The following GRIK3 variants were observed in gnomAD, a reference collection of about 807,000 sequenced individuals.
GRIK3 encodes the protein glutamate ionotropic receptor kainate type subunit 3.
A neutral mutation model predicts 102.5 loss-of-function variants in GRIK3; 29 were observed. That is an observed-to-expected ratio of 0.28 (90% CI 0.21 to 0.39). The LOEUF is 0.39. Ranked by LOEUF, GRIK3 falls within the 10% of genes least tolerant of loss-of-function variation. The probability of loss-of-function intolerance (pLI) is 1.00; values close to 1 mark genes in which losing one functional copy is unlikely to be tolerated. For missense variants in GRIK3, 908 were observed against 1,252.4 expected, an observed-to-expected ratio of 0.73 and a Z score of 4.15; for synonymous variants, 511 against 504.9, an observed-to-expected ratio of 1.01 and a Z score of -0.16.
At chr1:36,947,032 T>G (rs1378389881) in intron 1 of GRIK3, among the ~76,000 whole-genome samples, 1 of 151,998 alleles carries the variant, frequency 6.6e-6, no homozygotes, top group Non-Finnish European at 1.5e-5. Flanking sequence ...TTTCTAAGAT[T>G]GTAGCAGGAG....
intron 10 of GRIK3, 74 bp downstream of exon 10, chr1:36,841,662 C>T: frequency 7.7e-7 from 1 of 1,294,070 alleles, no homozygotes; most frequent in Non-Finnish European, 1.1e-6. Context: ...GGCTGCCCAG[C>T]CCTGTGGTGC....
At chr1:36,824,606 T>C (rs1642733609) in intron 11 of GRIK3, among the ~76,000 whole-genome samples, 1 of 152,086 alleles carries the variant, frequency 6.6e-6, no homozygotes, top group South Asian at 2.1e-4. Flanking sequence ...CGCCAAGTCA[T>C]TGGATCTCAA....
intron 1 of GRIK3, among the ~76,000 whole-genome samples, chr1:36,990,245 C>T (rs572601865): frequency 4.6e-5 from 7 of 152,294 alleles, no homozygotes; most frequent in Middle Eastern, 3.4e-3. Flanking sequence ...TTGACAGTCA[C>T]GATGCCCCAT....
chr1:36,832,799 C>A (rs112129637), intron 10 of GRIK3, among the ~76,000 whole-genome samples: 2 of 152,274 alleles, frequency 1.3e-5, no homozygotes, highest in African/African-American at 4.8e-5. Context: ...CTCCGTGTCC[C>A]TTCAGTCAAG....
intron 10 of GRIK3, among the ~76,000 whole-genome samples, chr1:36,839,398 C>CAGTT (rs1485147601): frequency 2.1e-4 from 32 of 152,238 alleles, no homozygotes; most frequent in Admixed American, 8.5e-4. Flanking sequence ...GCTTCCCCAC[C>CAGTT]AGTTGTCTCC....
At chr1:36,911,402 T>C (rs887826767) in intron 1 of GRIK3, among the ~76,000 whole-genome samples, 5 of 152,124 alleles carry the variant, frequency 3.3e-5, no homozygotes, top group Admixed American at 2.0e-4. Context: ...ATAGGGGTAT[T>C]TTGAGGCTTA....
intron 5 of GRIK3, 146 bp downstream of exon 5, chr1:36,869,602 T>C (rs1570770611): frequency 3.0e-6 from 2 of 671,908 alleles, no homozygotes; most frequent in Non-Finnish European, 2.7e-6. Flanking sequence ...CACAAAGACA[T>C]ATTTGTGCCC....
chr1:37,005,735 T>C (rs1056401121), intron 1 of GRIK3, among the ~76,000 whole-genome samples: 2 of 152,208 alleles, frequency 1.3e-5, no homozygotes, highest in Non-Finnish European at 2.9e-5. Context: ...AAATATTAAT[T>C]GAGCACCTAC....
intron 1 of GRIK3, among the ~76,000 whole-genome samples, chr1:36,941,580 C>G (rs1004743043): frequency 1.3e-5 from 2 of 152,112 alleles, no homozygotes; most frequent in African/African-American, 4.8e-5. Flanking sequence ...TATAAAGGCG[C>G]CCCTCCCACC....
intron 1 of GRIK3, among the ~76,000 whole-genome samples, chr1:36,894,299 G>A (rs992166824): frequency 2.0e-5 from 3 of 151,986 alleles, no homozygotes; most frequent in Non-Finnish European, 4.4e-5. Flanking sequence ...GTGCTTTTGC[G>A]GTTCATCCAT....
At chr1:36,817,876 A>G (rs540317286) in intron 12 of GRIK3, among the ~76,000 whole-genome samples, 21 of 152,240 alleles carry the variant, frequency 1.4e-4, no homozygotes, top group Non-Finnish European at 2.9e-4. Flanking sequence ...CAAATGGTAT[A>G]CAAATACAAG....
At chr1:36,818,828 T>C (rs1225365519) in intron 12 of GRIK3, among the ~76,000 whole-genome samples, 1 of 152,238 alleles carries the variant, frequency 6.6e-6, no homozygotes, top group African/African-American at 2.4e-5. Context: ...GCCCCTTCCC[T>C]GCCTGCCCCC....
chr1:37,009,473 G>A (rs1013720674), intron 1 of GRIK3, among the ~76,000 whole-genome samples: 2 of 152,204 alleles, frequency 1.3e-5, no homozygotes, highest in Non-Finnish European at 2.9e-5. Flanking sequence ...CAGGGAGCTC[G>A]CCGAAGCGAA....
At chr1:37,016,064 C>A (rs779197078) in intron 1 of GRIK3, among the ~76,000 whole-genome samples, 1 of 152,194 alleles carries the variant, frequency 6.6e-6, no homozygotes, top group Non-Finnish European at 1.5e-5. Flanking sequence ...AGGCAGGCAC[C>A]AAAGGAAGGA....
Position 36,871,207 on chromosome 1 carries a change from G to T in GRIK3, c.732+981C>A, listed in dbSNP as rs368538203. On this transcript the variant is annotated intron_variant, in intron 4 of 15. Coordinates refer to ENST00000373091, the MANE Select transcript of GRIK3 (RefSeq NM_000831.4). Reference sequence around the variant, plus strand: ...CACACAACGTGAAAGGGCAGAAGCAGAACTCAAACCCTCAAATGAGCCTTT... The same window carrying T: ...CACACAACGTGAAAGGGCAGAAGCATAACTCAAACCCTCAAATGAGCCTTT... 5.3e-5 allele frequency among the ~76,000 whole-genome samples: 8 copies of T among 152,310 alleles called. 1 individual carries two copies. The highest frequency in any genetic ancestry group is 1.7e-4 in the African/African-American group (7 of 41,580).
chr1:36,824,858 C>T (rs1226578732), intron 11 of GRIK3, among the ~76,000 whole-genome samples: 2 of 152,132 alleles, frequency 1.3e-5, no homozygotes, highest in Non-Finnish European at 2.9e-5. Context: ...TCACCTATTG[C>T]TTGTATGACC....
At chr1:36,910,016 G>C (rs1009132046) in intron 1 of GRIK3, among the ~76,000 whole-genome samples, 2 of 152,190 alleles carry the variant, frequency 1.3e-5, no homozygotes, top group Admixed American at 1.3e-4. Context: ...GAAGCTCCTT[G>C]CTTAAGCTTG....
chr1:36,899,263 A>G (rs1641206904), intron 1 of GRIK3, among the ~76,000 whole-genome samples: 1 of 152,176 alleles, frequency 6.6e-6, no homozygotes, highest in African/African-American at 2.4e-5. Flanking sequence ...GCGAGAAGAT[A>G]TTTGCAAATC....
In GRIK3 at chr1:36,841,879, C is replaced by T. The variant is rs776869541; in HGVS notation, c.1387G>A (p.Glu463Lys). The T allele has an allele frequency of 9.3e-6, 15 of 1,614,078 alleles. 1 individual carries two copies. Among genetic ancestry groups the T allele is most frequent in the East Asian group, 4.5e-5 (2 of 44,884 alleles). Residue 463 changes from glutamate (E) to lysine (K), a missense_variant, in exon 10 of 16, where the codon GAG (glutamate) becomes AAG (lysine). Physicochemically the swap from Glu to Lys is moderately conservative, Grantham distance 56. This residue lies in a region of GRIK3 where 585 missense variants were observed against 824.9 expected (regional missense o/e 0.71). Coordinates refer to ENST00000373091, the MANE Select transcript of GRIK3 (RefSeq NM_000831.4). ...DRTLYGNDRF[E>K]GYCIDLLKEL... Reference sequence around the variant, plus strand: ...TTTAGCAGGTCGATGCAGTAGCCCTCGAACCGGTCATTCCCGTATAGCGTC... The same window carrying T: ...TTTAGCAGGTCGATGCAGTAGCCCTTGAACCGGTCATTCCCGTATAGCGTC...
Sources: gnomAD v4.1 joint callset for allele counts (sites outside exome capture counted in the v4.1 genomes callset) on GRCh38, gnomAD v4.1.1 for gene constraint, gnomAD v4.1.1 regional missense constraint, MANE v1.5 for transcripts, NCBI Gene and HGNC (gene_info 2026-07-23, HGNC 2026-07-21) for gene names.